NEDD9: variants seen among roughly 807,000 people sequenced by gnomAD.
NEDD9 encodes neural precursor cell expressed, developmentally down-regulated 9.
Under a neutral mutation model 76.6 loss-of-function variants are expected in NEDD9, and 26 were observed. The observed-to-expected ratio is 0.34, with a 90% CI of 0.25 to 0.47. NEDD9 has a LOEUF of 0.47. Ranked by LOEUF, NEDD9 falls within the 20% of genes least tolerant of loss-of-function variation. The pLI is 1.00. For missense variants in NEDD9, 937 were observed against 1,058.5 expected (o/e 0.89, Z 1.59); for synonymous variants, 392 against 414.2 (o/e 0.95, Z 0.65).
intron 3 of NEDD9, among the ~76,000 whole-genome samples, chr6:11,304,753 C>A (rs934664385): frequency 6.6e-6 from 1 of 152,114 alleles, no homozygotes; most frequent in Non-Finnish European, 1.5e-5. Flanking sequence ...GGGAGTTGAA[C>A]AATGAGAACA....
chr6:11,347,918 A>T (rs903136782), intron 1 of NEDD9, among the ~76,000 whole-genome samples: 5 of 152,204 alleles, frequency 3.3e-5, no homozygotes, highest in African/African-American at 1.2e-4. Context: ...CTCCTATGCA[A>T]CATAGTATTG....
chr6:11,322,333 T>TAA (rs1209191487), intron 2 of NEDD9, among the ~76,000 whole-genome samples: 1 of 146,072 alleles, frequency 6.8e-6, no homozygotes, highest in African/African-American at 2.5e-5. Flanking sequence ...TCCCAGAACT[T>TAA]AAAAAAAAAA....
chr6:11,195,619 T>C (rs1392685073), intron 2 of NEDD9, among the ~76,000 whole-genome samples: 1 of 152,226 alleles, frequency 6.6e-6, no homozygotes, highest in Non-Finnish European at 1.5e-5. Flanking sequence ...GTGGATTTTA[T>C]CCAAGGTTGC....
At chr6:11,351,867 T>C (rs1428066873) in intron 1 of NEDD9, among the ~76,000 whole-genome samples, 2 of 152,252 alleles carry the variant, frequency 1.3e-5, no homozygotes, top group East Asian at 3.8e-4. Context: ...GCCTCAGCCA[T>C]GAATCTAGCA....
At position 11,295,294 on chromosome 6, in the gene NEDD9, T is replaced by C. The variant is rs544746639; in HGVS notation, c.12+10698A>G. ...ATTATGTTTTATTGTTATTATTGTA[T>C]GAGTGCGTTTTATTTTTCTGACTGT... On this transcript the variant is annotated intron_variant, in intron 3 of 3. Transcript: ENST00000397378. 2.0e-5 allele frequency among the ~76,000 whole-genome samples: 3 copies of C among 152,246 alleles called. No individual in the cohort carries two copies. The East Asian group carries it at 5.8e-4, about 29-fold the overall frequency.
chr6:11,223,008 C>CTG (rs138030049), intron 1 of NEDD9, among the ~76,000 whole-genome samples: 30 of 151,856 alleles, frequency 2.0e-4, no homozygotes, highest in South Asian at 2.1e-4. Flanking sequence ...TTGGTTGTCA[C>CTG]TGTGTGTGTG....
chr6:11,248,562 T>C (rs1423378515), intron 3 of NEDD9, among the ~76,000 whole-genome samples: 2 of 152,244 alleles, frequency 1.3e-5, no homozygotes, highest in East Asian at 1.9e-4. Flanking sequence ...TCTTCTGGTC[T>C]TGGAGAACAG....
upstream of NEDD9, among the ~76,000 whole-genome samples, chr6:11,233,075 AAACGAACTCCGGG>A (rs1346924679): frequency 2.0e-5 from 3 of 152,182 alleles, no homozygotes; most frequent in African/African-American, 7.2e-5. Flanking sequence ...TCTCTACATG[AAACGAACTCCGGG>A]AACAAAAGGT....
chr6:11,330,961 C>G (rs1037470765), intron 2 of NEDD9, among the ~76,000 whole-genome samples: 2 of 152,084 alleles, frequency 1.3e-5, no homozygotes, highest in African/African-American at 4.8e-5. Context: ...TGCAAATTTT[C>G]ACAAATGGAA....
intron 3 of NEDD9, among the ~76,000 whole-genome samples, chr6:11,256,496 T>G (rs2113315155): frequency 6.6e-6 from 1 of 152,314 alleles, no homozygotes; most frequent in East Asian, 1.9e-4. Flanking sequence ...TAATTTTTAT[T>G]TATTTATTTT....
At chr6:11,257,426 G>A (rs932388727) in intron 3 of NEDD9, among the ~76,000 whole-genome samples, 3 of 152,210 alleles carry the variant, frequency 2.0e-5, no homozygotes, top group African/African-American at 7.2e-5. Flanking sequence ...GGAGAGGGAA[G>A]AGAGGGAAGA....
At chr6:11,233,750 C>T (rs534979824), upstream of NEDD9, among the ~76,000 whole-genome samples, 11 of 152,278 alleles carry the variant, frequency 7.2e-5, no homozygotes, top group African/African-American at 2.6e-4. Context: ...ACTCTTCTCA[C>T]GGACAGAGCA....
intron 2 of NEDD9, among the ~76,000 whole-genome samples, chr6:11,207,147 A>G (rs139169103): frequency 1.1e-3 from 165 of 152,330 alleles, no homozygotes; most frequent in Non-Finnish European, 1.9e-3. Flanking sequence ...AGTGAGGTGA[A>G]GTCAGAATTT....
chr6:11,222,253 G>A (rs1759164718), intron 1 of NEDD9, among the ~76,000 whole-genome samples: 1 of 152,114 alleles, frequency 6.6e-6, no homozygotes, highest in Non-Finnish European at 1.5e-5. Context: ...AGCCAGAACC[G>A]AGTTGATGTA....
At chr6:11,373,155 A>T (rs1005947387) in intron 1 of NEDD9, among the ~76,000 whole-genome samples, 8 of 120,514 alleles carry the variant, frequency 6.6e-5, no homozygotes, top group African/African-American at 2.7e-4. Flanking sequence ...ATAAAAATTA[A>T]AAAAAAAAAA....
chr6:11,258,988 G>A (rs1760057064), intron 3 of NEDD9: 1 of 152,348 alleles, frequency 6.6e-6, no homozygotes, highest in Non-Finnish European at 1.5e-5. Flanking sequence ...ATATGACCAA[G>A]CCCTGGACAG....
At chr6:11,281,092 C>A (rs1669343897) in intron 3 of NEDD9, among the ~76,000 whole-genome samples, 1 of 152,228 alleles carries the variant, frequency 6.6e-6, no homozygotes. Context: ...TTATTCATAA[C>A]TTCCTATATT....
intron 3 of NEDD9, among the ~76,000 whole-genome samples, chr6:11,275,512 C>T (rs1027276725): frequency 5.3e-5 from 8 of 151,898 alleles, no homozygotes; most frequent in East Asian, 1.9e-4. Context: ...ATAAAATATA[C>T]GCATTTCTTA....
At chr6:11,304,139 G>C (rs1247629829) in intron 3 of NEDD9, among the ~76,000 whole-genome samples, 2 of 152,162 alleles carry the variant, frequency 1.3e-5, no homozygotes, top group Non-Finnish European at 2.9e-5. Flanking sequence ...CCATCAAAAA[G>C]TGGGCAAAGG....
Sources: gnomAD v4.1 joint callset for allele counts (sites outside exome capture counted in the v4.1 genomes callset) on GRCh38, gnomAD v4.1.1 for gene constraint, MANE v1.5 for transcripts, NCBI Gene and HGNC (gene_info 2026-07-23, HGNC 2026-07-21) for gene names.